ATP8B4: variants seen among roughly 807,000 people sequenced by gnomAD.
ATP8B4 encodes the protein probable phospholipid-transporting ATPase IM.
ATP8B4 carries 133 observed loss-of-function variants against 145.6 expected under a neutral mutation model. The ratio of observed to expected loss-of-function variants is 0.91; its 90% CI spans 0.79 to 1.05. The LOEUF is 1.05. Among genes scored for constraint, ATP8B4 ranks in the 50% least tolerant of loss-of-function variants. The probability of loss-of-function intolerance (pLI) is 0.00; values close to 1 mark genes in which losing one functional copy is unlikely to be tolerated. For missense variants in ATP8B4, 1,458 were observed against 1,425.2 expected (o/e 1.02, Z -0.37); for synonymous variants, 507 against 492.9 (o/e 1.03, Z -0.38).
intron 1 of ATP8B4, among the ~76,000 whole-genome samples, chr15:50,133,121 T>G (rs1339369577): frequency 2.6e-5 from 4 of 152,152 alleles, no homozygotes; most frequent in South Asian, 4.1e-4. Flanking sequence ...TTTAAAAAAC[T>G]TGAAGTTTTG....
In ATP8B4 at chr15:49,918,802, A is replaced by G. The variant is rs1204094008; in HGVS notation, c.2035+37T>C. The G allele has an allele frequency of 7.4e-6, 11 of 1,488,824 alleles. No individual in the cohort carries two copies. In the South Asian group the frequency reaches 1.2e-4, roughly 16 times the overall value. 92.2% of individuals were successfully genotyped at this position (1,488,824 alleles called of 1,614,324 possible). On this transcript the variant is annotated intron_variant, in intron 19 of 27. Coordinates refer to ENST00000284509, the MANE Select transcript of ATP8B4 (RefSeq NM_024837.4). ...ATTTTGTGATATAAGTCATCTCCCCATTTTCAAAATATCATCAACATCCAT... is the reference window on the plus strand; with the variant it reads ...ATTTTGTGATATAAGTCATCTCCCCGTTTTCAAAATATCATCAACATCCAT...
intron 23 of ATP8B4, among the ~76,000 whole-genome samples, chr15:49,891,408 C>T (rs1056264392): frequency 2.0e-5 from 3 of 152,104 alleles, no homozygotes; most frequent in Non-Finnish European, 4.4e-5. Context: ...TCACTGCAAC[C>T]TCCACCTCCC....
At chr15:50,025,139 C>T (rs1351724098) in intron 6 of ATP8B4, among the ~76,000 whole-genome samples, 1 of 152,192 alleles carries the variant, frequency 6.6e-6, no homozygotes, top group Non-Finnish European at 1.5e-5. Context: ...GAGATTGTCT[C>T]AGCCTCAAGT....
rs1357219851 is a variant in ATP8B4, at chr15:49,859,578, T to G, written c.*616A>C. 6.6e-6 allele frequency: 1 copy of G among 152,272 alleles called. No homozygotes were observed. Among genetic ancestry groups the G allele is most frequent in the African/African-American group, 2.4e-5 (1 of 41,454 alleles). The allele number at this position is 152,272 out of a possible 1,614,324, so 9.4% of individuals were successfully genotyped here. On this transcript the variant is annotated 3_prime_UTR_variant, in exon 28 of 28. Coordinates refer to ENST00000284509, the MANE Select transcript of ATP8B4 (RefSeq NM_024837.4). ...CTGCAAAGATGTTCAGTCTCCTTTG[T>G]CCCTAGACTGGTATAAAAATGAGAA...
intron 13 of ATP8B4, among the ~76,000 whole-genome samples, chr15:49,972,076 A>G (rs750009670): frequency 1.9e-4 from 29 of 152,150 alleles, no homozygotes; most frequent in Non-Finnish European, 3.5e-4. Context: ...GAACAATGAG[A>G]ACACATGAAC....
chr15:50,010,945 T>C (rs2048681557), intron 6 of ATP8B4, 28 bp from the exon 7 acceptor site: 2 of 1,433,714 alleles, frequency 1.4e-6, no homozygotes, highest in South Asian at 1.3e-5. Flanking sequence ...ATTAATTTTC[T>C]TCAAGAATGA....
chr15:50,036,354 C>T (rs900145514), intron 6 of ATP8B4, among the ~76,000 whole-genome samples: 4 of 152,284 alleles, frequency 2.6e-5, no homozygotes, highest in South Asian at 4.1e-4. Context: ...TGCTGTTTGA[C>T]GCTCGTGCGC....
intron 10 of ATP8B4, among the ~76,000 whole-genome samples, chr15:49,985,859 T>G (rs531325193): frequency 6.6e-6 from 1 of 152,272 alleles, no homozygotes; most frequent in East Asian, 1.9e-4. Context: ...GACCCTAATG[T>G]ACTCATTATT....
intron 8 of ATP8B4, among the ~76,000 whole-genome samples, chr15:50,001,357 C>G (rs1366889878): frequency 2.0e-5 from 3 of 152,092 alleles, no homozygotes; most frequent in Non-Finnish European, 2.9e-5. Flanking sequence ...AAAGTAGGGT[C>G]CCACAGACTA....
intron 12 of ATP8B4, 103 bp downstream of exon 12, chr15:49,979,514 A>T: frequency 1.1e-6 from 1 of 936,066 alleles, no homozygotes; most frequent in Non-Finnish European, 1.5e-6. Flanking sequence ...ATAAGCAGTT[A>T]AGAGCAAGAC....
intron 7 of ATP8B4, among the ~76,000 whole-genome samples, chr15:50,005,024 A>G (rs1222671799): frequency 6.6e-6 from 1 of 152,180 alleles, no homozygotes; most frequent in African/African-American, 2.4e-5. Context: ...AGTAAAGAAG[A>G]GGAAAGGAAA....
chr15:49,911,919 G>T (rs945538118), intron 20 of ATP8B4, among the ~76,000 whole-genome samples: 3 of 152,010 alleles, frequency 2.0e-5, no homozygotes, highest in Non-Finnish European at 4.4e-5. Context: ...AATTAAACAT[G>T]TTCCTGAATG....
At chr15:49,946,807 C>T (rs1249208003) in intron 14 of ATP8B4, among the ~76,000 whole-genome samples, 1 of 152,124 alleles carries the variant, frequency 6.6e-6, no homozygotes, top group Non-Finnish European at 1.5e-5. Context: ...CTGGGTTGTT[C>T]CTGGAACACT....
At chr15:50,085,169 G>A (rs1389493130) in intron 2 of ATP8B4, among the ~76,000 whole-genome samples, 3 of 152,146 alleles carry the variant, frequency 2.0e-5, no homozygotes, top group Non-Finnish European at 2.9e-5. Context: ...ATCACCACCA[G>A]AGGCCAAGTT....
chr15:50,034,277 C>A (rs1168187456), intron 6 of ATP8B4, among the ~76,000 whole-genome samples: 1 of 144,904 alleles, frequency 6.9e-6, no homozygotes, highest in Non-Finnish European at 1.5e-5. Context: ...GTCACCCAGG[C>A]TGGAGTGCAA....
At chr15:49,967,005 C>T (rs888510358) in intron 13 of ATP8B4, among the ~76,000 whole-genome samples, 3 of 152,158 alleles carry the variant, frequency 2.0e-5, no homozygotes, top group Admixed American at 6.5e-5. Flanking sequence ...CCAGCAAACT[C>T]CAGCAGACCT....
At chr15:50,013,036 A>G (rs931071062) in intron 6 of ATP8B4, among the ~76,000 whole-genome samples, 1 of 152,212 alleles carries the variant, frequency 6.6e-6, no homozygotes, top group Non-Finnish European at 1.5e-5. Flanking sequence ...TAAATAATCT[A>G]TATTTTGAAT....
At chr15:49,977,486 T>C (rs1245435089) in intron 12 of ATP8B4, among the ~76,000 whole-genome samples, 1 of 152,114 alleles carries the variant, frequency 6.6e-6, no homozygotes, top group Non-Finnish European at 1.5e-5. Flanking sequence ...GAAAACACTG[T>C]CCCAACTCTC....
intron 6 of ATP8B4, among the ~76,000 whole-genome samples, chr15:50,018,373 A>C (rs2049264835): frequency 6.6e-6 from 1 of 152,134 alleles, no homozygotes; most frequent in Non-Finnish European, 1.5e-5. Flanking sequence ...ATGTGTACAA[A>C]ATGACCCCTC....
Sources: gnomAD v4.1 joint callset for allele counts (sites outside exome capture counted in the v4.1 genomes callset) on GRCh38, gnomAD v4.1.1 for gene constraint, MANE v1.5 for transcripts, NCBI Gene and HGNC (gene_info 2026-07-23, HGNC 2026-07-21) for gene names.